KCNH1: variants seen among roughly 807,000 people sequenced by gnomAD.
KCNH1 encodes potassium voltage-gated channel subfamily H member 1, also known as voltage-gated delayed rectifier potassium channel KCNH1.
In KCNH1, 27 loss-of-function variants were observed where a neutral mutation model predicts 69.2. That is an observed-to-expected ratio of 0.39 (90% CI 0.29 to 0.54). The LOEUF (loss-of-function observed/expected upper bound fraction) is 0.54. KCNH1 is among the 20% of genes least tolerant of loss of function. The pLI, the probability that KCNH1 is intolerant of heterozygous loss-of-function variation, is 0.68. For synonymous variants in KCNH1, 456 were observed against 487.7 expected (o/e 0.93, Z 0.86); for missense variants, 798 against 1,261.6 (o/e 0.63, Z 5.57).
intron 5 of KCNH1, among the ~76,000 whole-genome samples, chr1:211,069,203 G>C (rs1309868685): frequency 6.6e-6 from 1 of 152,104 alleles, no homozygotes; most frequent in Non-Finnish European, 1.5e-5. Context: ...GGAATGAAAA[G>C]AACTCGTGAA....
At chr1:210,820,874 G>A (rs1370282519) in intron 7 of KCNH1, among the ~76,000 whole-genome samples, 1 of 152,130 alleles carries the variant, frequency 6.6e-6, no homozygotes, top group Non-Finnish European at 1.5e-5. Flanking sequence ...AGAAAGACCA[G>A]GGGACAGATT....
rs34291308 is a variant in KCNH1 at position 211,029,166 on chromosome 1, CAA to C, written c.559-9912_559-9911del. On this transcript the variant is annotated intron_variant, in intron 5 of 10. Transcript: ENST00000271751. ...GCAACATAGAGAGACCCCATCTCTA[CAA>C]AAAAAAAAAAAAAAAAAGGTCAGGG... Among the ~76,000 whole-genome samples the C allele has an allele frequency of 1.8e-3, 97 of 52,708 alleles. 1 individual carries two copies. The highest frequency in any genetic ancestry group is 4.7e-3 in the African/African-American group (70 of 14,944). The allele number at this position is 52,708 out of a possible 152,430, so 34.6% of individuals were successfully genotyped here.
intron 9 of KCNH1, among the ~76,000 whole-genome samples, chr1:210,794,234 C>T (rs762227240): frequency 1.3e-5 from 2 of 152,114 alleles, no homozygotes; most frequent in Non-Finnish European, 2.9e-5. Context: ...ATTCAAAGGA[C>T]GTGTCTCGAC....
chr1:210,836,111 C>A (rs1318383905), intron 7 of KCNH1, among the ~76,000 whole-genome samples: 182 of 93,278 alleles, frequency 2.0e-3, no homozygotes, highest in South Asian at 4.6e-3. Context: ...GTCTCCGTCT[C>A]AAAAAAAAAA....
At chr1:210,704,419 G>A (rs1011624556) in intron 10 of KCNH1, among the ~76,000 whole-genome samples, 1 of 152,150 alleles carries the variant, frequency 6.6e-6, no homozygotes, top group African/African-American at 2.4e-5. Flanking sequence ...GAGTCCAAGG[G>A]TGATGCTAAA....
chr1:210,907,232 A>G (rs1336793304), intron 7 of KCNH1, among the ~76,000 whole-genome samples: 3 of 152,212 alleles, frequency 2.0e-5, no homozygotes, highest in Non-Finnish European at 4.4e-5. Context: ...TTCCAGGGTT[A>G]TATCTCCAAG....
At chr1:211,108,352 G>C (rs1691395814) in intron 1 of KCNH1, 1 of 150,856 alleles carries the variant, frequency 6.6e-6, no homozygotes, top group South Asian at 2.1e-4. Flanking sequence ...AATACAAACA[G>C]CCTTCTTTAG....
intron 6 of KCNH1, among the ~76,000 whole-genome samples, chr1:210,945,080 G>A (rs1211901305): frequency 6.6e-6 from 1 of 152,154 alleles, no homozygotes; most frequent in African/African-American, 2.4e-5. Flanking sequence ...GTTATAGCAT[G>A]TGTCAGAATT....
chr1:210,684,178 CA>C, intron 10 of KCNH1, 40 bp from the exon 11 acceptor site: 1 of 1,481,636 alleles, frequency 6.7e-7, no homozygotes, highest in Non-Finnish European at 8.9e-7. Context: ...GCGTGTTAGC[CA>C]CATGCTGGCT....
intron 10 of KCNH1, among the ~76,000 whole-genome samples, chr1:210,711,595 C>T (rs1023210570): frequency 2.6e-5 from 4 of 152,204 alleles, no homozygotes; most frequent in Non-Finnish European, 5.9e-5. Flanking sequence ...CAGGTCCTCA[C>T]TCAAATGTCA....
intron 6 of KCNH1, among the ~76,000 whole-genome samples, chr1:210,989,512 C>T (rs141074237): frequency 5.4e-4 from 82 of 152,260 alleles, no homozygotes; most frequent in African/African-American, 1.8e-3. Context: ...AAGGGCATAC[C>T]CTCTAAAATA....
intron 9 of KCNH1, among the ~76,000 whole-genome samples, chr1:210,784,950 AGTTCAGCC>A (rs1684066000): frequency 3.3e-5 from 5 of 152,162 alleles, no homozygotes; most frequent in African/African-American, 4.8e-5. Flanking sequence ...CTCTCCACGC[AGTTCAGCC>A]CAGTTCAACA....
chr1:211,133,613 G>T lies in KCNH1; in HGVS notation c.79+254C>A, dbSNP rs887845946. 1.3e-5 allele frequency among the ~76,000 whole-genome samples: 2 copies of T among 152,146 alleles called. No individual in the cohort carries two copies. Among genetic ancestry groups the T allele is most frequent in the African/African-American group, 2.4e-5 (1 of 41,444 alleles). On this transcript the variant is annotated intron_variant, in intron 1 of 10. Coordinates refer to ENST00000271751, the MANE Select transcript of KCNH1 (RefSeq NM_172362.3). The surrounding 1 kb of genome is among the most constrained non-coding windows in gnomAD (Gnocchi z 5.4). ...AGCTGTCACGCATCCTTGGAGATAA[G>T]ACCGAGAGGGCGCTAGAAAGGCCCA...
chr1:211,003,968 C>T (rs533027524), intron 6 of KCNH1, among the ~76,000 whole-genome samples: 15 of 152,218 alleles, frequency 9.9e-5, no homozygotes, highest in African/African-American at 2.9e-4. Context: ...TGGTGGGCGC[C>T]TGTAGTCCCA....
chr1:210,842,320 A>T (rs572868507), intron 7 of KCNH1, among the ~76,000 whole-genome samples: 1 of 152,300 alleles, frequency 6.6e-6, no homozygotes, highest in South Asian at 2.1e-4. Context: ...AAATATAACA[A>T]GTGTTATCTT....
rs181153358 is a variant in KCNH1, at chr1:210,913,567, T to G, written c.1462+6073A>C. Among the ~76,000 whole-genome samples, 12 of 152,238 alleles carry G rather than the reference T, an allele frequency of 7.9e-5. No homozygotes were observed. The East Asian group carries it at 2.3e-3, about 29-fold the overall frequency. On this transcript the variant is annotated intron_variant, in intron 7 of 10. Transcript: ENST00000271751. Reference sequence around the variant, plus strand: ...GCCTCTTACCTCTAATCCACAAAAATAGAGGATACAGCCCAAACCACAGAG... The same window carrying G: ...GCCTCTTACCTCTAATCCACAAAAAGAGAGGATACAGCCCAAACCACAGAG...
rs542827995 is a variant in KCNH1, at chr1:211,078,475, C to T, written c.558+4305G>A. On this transcript the variant is annotated intron_variant, in intron 5 of 10. Coordinates refer to ENST00000271751, the MANE Select transcript of KCNH1 (RefSeq NM_172362.3). ...CAGGATTAAGAAACTCACTCAAAACCGCTCAACTACATGGAAACTGAACAA... is the reference window on the plus strand; with the variant it reads ...CAGGATTAAGAAACTCACTCAAAACTGCTCAACTACATGGAAACTGAACAA... Among the ~76,000 whole-genome samples, 13 of 152,218 alleles carry T rather than the reference C, an allele frequency of 8.5e-5. No individual in the cohort carries two copies. In the South Asian group the frequency reaches 1.7e-3, roughly 19 times the overall value.
chr1:211,098,556 T>G (rs184379966), intron 3 of KCNH1, among the ~76,000 whole-genome samples: 79 of 152,156 alleles, frequency 5.2e-4, no homozygotes, highest in Admixed American at 1.5e-3. Flanking sequence ...ATAGGACAAA[T>G]ATTAATGCTT....
At chr1:210,931,956 A>AATG (rs1431565204) in intron 6 of KCNH1, among the ~76,000 whole-genome samples, 1 of 152,106 alleles carries the variant, frequency 6.6e-6, no homozygotes, top group Admixed American at 6.5e-5. Context: ...AATAAAAAAT[A>AATG]ATGAAGAAAG....
Sources: gnomAD v4.1 joint callset for allele counts (sites outside exome capture counted in the v4.1 genomes callset) on GRCh38, gnomAD v4.1.1 for gene constraint, Gnocchi (gnomAD v3.1) non-coding constraint, MANE v1.5 for transcripts, NCBI Gene and HGNC (gene_info 2026-07-23, HGNC 2026-07-21) for gene names.